MAML3: variants seen among roughly 807,000 people sequenced by gnomAD.
MAML3 encodes the protein mastermind-like protein 3.
MAML3 carries 27 observed loss-of-function variants against 101.9 expected under a neutral mutation model. The observed-to-expected ratio is 0.27, with a 90% CI of 0.20 to 0.37. The LOEUF (loss-of-function observed/expected upper bound fraction) is 0.37, where lower values mean the gene tolerates loss of function less well. Ranked by LOEUF, MAML3 falls within the 10% of genes least tolerant of loss-of-function variation. The pLI is 1.00. For missense variants in MAML3, 1,316 were observed against 1,444.9 expected (o/e 0.91, Z 1.45); for synonymous variants, 501 against 555.9 (o/e 0.90, Z 1.39).
At chr4:139,885,647 G>T (rs555916539) in intron 2 of MAML3, among the ~76,000 whole-genome samples, 86 of 151,600 alleles carry the variant, frequency 5.7e-4, no homozygotes, top group Non-Finnish European at 4.1e-4. Context: ...AAGTAGGCCG[G>T]GCGCCGTGGC....
chr4:139,945,050 A>C (rs1175211961), intron 1 of MAML3, among the ~76,000 whole-genome samples: 1 of 152,202 alleles, frequency 6.6e-6, no homozygotes, highest in Non-Finnish European at 1.5e-5. Context: ...GAACCAACCC[A>C]AATGTCCAAC....
chr4:139,925,332 C>T (rs749362366), intron 1 of MAML3, among the ~76,000 whole-genome samples: 70 of 152,260 alleles, frequency 4.6e-4, no homozygotes, highest in Non-Finnish European at 9.1e-4. Context: ...TGGATTCAAC[C>T]GTTTCTCCTG....
intron 2 of MAML3, among the ~76,000 whole-genome samples, chr4:139,843,044 G>A (rs1225590775): frequency 3.3e-5 from 5 of 152,016 alleles, no homozygotes; most frequent in African/African-American, 9.7e-5. Context: ...GCCTCCCAAA[G>A]TGCTGGGATT....
chr4:139,817,592 T>C (rs979765090), intron 2 of MAML3, among the ~76,000 whole-genome samples: 1 of 152,190 alleles, frequency 6.6e-6, no homozygotes, highest in African/African-American at 2.4e-5. Context: ...ATTCAGTGAT[T>C]TTTCAGATCA....
At chr4:140,110,723 C>T (rs531029220) in intron 1 of MAML3, among the ~76,000 whole-genome samples, 1 of 152,254 alleles carries the variant, frequency 6.6e-6, no homozygotes, top group Admixed American at 6.5e-5. Flanking sequence ...GAAAGATAAC[C>T]CTCCGGGTGC....
At chr4:139,946,925 A>ACACTCT (rs1335985003) in intron 1 of MAML3, among the ~76,000 whole-genome samples, 16 of 68,202 alleles carry the variant, frequency 2.3e-4, no homozygotes, top group South Asian at 1.3e-3. Context: ...ACACACACAC[A>ACACTCT]CTCTCTCTCT....
At position 139,889,367 on chromosome 4, in the gene MAML3, G is replaced by A; in HGVS notation, c.2069C>T (p.Ser690Phe). 1 of 1,614,026 alleles carries A rather than the reference G, an allele frequency of 6.2e-7. No homozygotes were observed. The highest frequency in any genetic ancestry group is 8.5e-7 in the Non-Finnish European group (1 of 1,179,900). The change falls in exon 2 of 5, where the codon TCC becomes TTC. Residue 690 changes from serine to phenylalanine, a missense_variant. By Grantham distance (155) the Ser-to-Phe change is radical. Coordinates refer to ENST00000509479, the MANE Select transcript of MAML3 (RefSeq NM_018717.5). Reference protein sequence around the residue: ...NQPMAYAALPSHGQEQHPVGL... With the variant: ...NQPMAYAALPFHGQEQHPVGL... ...CACTTTCACACTTACCTGACCGTGG[G>A]ATGGAAGTGCAGCGTAAGCCATGGG...
At chr4:140,031,059 A>G (rs1726899988) in intron 1 of MAML3, among the ~76,000 whole-genome samples, 1 of 152,200 alleles carries the variant, frequency 6.6e-6, no homozygotes. Flanking sequence ...GTGCTCCTGC[A>G]CTAAATGGCC....
chr4:140,093,928 C>T (rs1307012523), intron 1 of MAML3, among the ~76,000 whole-genome samples: 3 of 152,176 alleles, frequency 2.0e-5, no homozygotes, highest in Non-Finnish European at 4.4e-5. Context: ...GCTCACTGTG[C>T]AGCATGATCC....
intron 3 of MAML3, among the ~76,000 whole-genome samples, chr4:139,727,046 G>A (rs949093678): frequency 6.6e-6 from 1 of 152,178 alleles, no homozygotes; most frequent in Non-Finnish European, 1.5e-5. Context: ...GTTCTTTAGA[G>A]TGTTCATTAT....
Position 139,944,998 on chromosome 4 carries a change from A to T in MAML3, c.469-54031T>A, listed in dbSNP as rs540745833. Among the ~76,000 whole-genome samples the T allele has an allele frequency of 3.9e-5, 6 of 152,074 alleles. No homozygotes were observed. In the East Asian group the frequency reaches 1.2e-3, roughly 29 times the overall value. ...CATGCTGCTATAAAGACACATGCAC[A>T]CGTATGTTTATTGCGGCATTATTCA... is the stretch of plus-strand genomic sequence containing the variant. On this transcript the variant is annotated intron_variant, in intron 1 of 4. Transcript: ENST00000509479.
chr4:139,813,588 T>C (rs1211349760), intron 2 of MAML3, among the ~76,000 whole-genome samples: 1 of 152,174 alleles, frequency 6.6e-6, no homozygotes, highest in Non-Finnish European at 1.5e-5. Flanking sequence ...GCTATTTTCA[T>C]ACATGCAAGG....
chr4:139,865,662 A>C (rs1731884870), intron 2 of MAML3, among the ~76,000 whole-genome samples: 1 of 152,144 alleles, frequency 6.6e-6, no homozygotes, highest in Non-Finnish European at 1.5e-5. Flanking sequence ...TGAACTAGGC[A>C]GTCTTAATGA....
chr4:139,952,672 TGGCTGCCCAGCCAA>T (rs879870138), intron 1 of MAML3, among the ~76,000 whole-genome samples: 9 of 152,206 alleles, frequency 5.9e-5, no homozygotes, highest in Non-Finnish European at 1.2e-4. Context: ...TGCTGGTGAG[TGGCTGCCCAGCCAA>T]GGACTGCATT....
intron 2 of MAML3, among the ~76,000 whole-genome samples, chr4:139,802,033 GGGT>G (rs1321372588): frequency 6.6e-6 from 1 of 152,106 alleles, no homozygotes; most frequent in Non-Finnish European, 1.5e-5. Context: ...TCAATACCAA[GGGT>G]TCTCTTTGGC....
At chr4:139,761,268 C>A (rs1333033779) in intron 2 of MAML3, among the ~76,000 whole-genome samples, 7 of 152,294 alleles carry the variant, frequency 4.6e-5, no homozygotes, top group Non-Finnish European at 8.8e-5. Flanking sequence ...CCCTAGAGGA[C>A]AGCTTTCTAA....
chr4:139,950,889 T>C (rs1279972441), intron 1 of MAML3, among the ~76,000 whole-genome samples: 2 of 152,198 alleles, frequency 1.3e-5, no homozygotes, highest in Non-Finnish European at 2.9e-5. Context: ...CCTGAAGGGC[T>C]TGAAGAGGCC....
chr4:139,775,496 G>A (rs1390396411), intron 2 of MAML3, among the ~76,000 whole-genome samples: 1 of 152,024 alleles, frequency 6.6e-6, no homozygotes, highest in Non-Finnish European at 1.5e-5. Flanking sequence ...TTCACCAAAA[G>A]GTAATTTAGT....
chr4:140,098,749 C>T (rs1333846868), intron 1 of MAML3, among the ~76,000 whole-genome samples: 4 of 152,234 alleles, frequency 2.6e-5, no homozygotes, highest in African/African-American at 9.6e-5. Flanking sequence ...ACCTGGGGAC[C>T]CAAAAGCAGA....
Sources: gnomAD v4.1 joint callset for allele counts (sites outside exome capture counted in the v4.1 genomes callset) on GRCh38, gnomAD v4.1.1 for gene constraint, MANE v1.5 for transcripts, NCBI Gene and HGNC (gene_info 2026-07-23, HGNC 2026-07-21) for gene names.